The following FOCAD variants were observed in gnomAD, a reference collection of about 807,000 sequenced individuals.
FOCAD encodes the protein KIAA1797.
In FOCAD, 198 loss-of-function variants were observed where a neutral mutation model predicts 225.6. The observed-to-expected ratio is 0.88, with a 90% CI of 0.78 to 0.99. The LOEUF is 0.99. Among genes scored for constraint, FOCAD ranks in the 50% least tolerant of loss-of-function variants. The pLI, the probability that FOCAD is intolerant of heterozygous loss-of-function variation, is 0.00. For synonymous variants in FOCAD, 897 were observed against 755.0 expected (o/e 1.19, Z -3.08); for missense variants, 2,713 against 2,123.6 (o/e 1.28, Z -5.46).
intron 41 of FOCAD, among the ~76,000 whole-genome samples, chr9:20,988,867 C>T (rs78903574): frequency 0.013 from 2,025 of 152,174 alleles, 40 homozygotes; most frequent in African/African-American, 0.046. Context: ...AAAATGCCTG[C>T]TTTGAAGAGG....
intron 5 of FOCAD, among the ~76,000 whole-genome samples, chr9:20,750,841 T>A (rs1277822339): frequency 6.6e-6 from 1 of 152,170 alleles, no homozygotes; most frequent in East Asian, 1.9e-4. Context: ...AAGCTTGGCA[T>A]AGAATTATTA....
intron 7 of FOCAD, among the ~76,000 whole-genome samples, chr9:20,766,640 C>A (rs894707531): frequency 1.3e-5 from 2 of 151,878 alleles, no homozygotes; most frequent in Non-Finnish European, 2.9e-5. Context: ...GTTTTTCCTT[C>A]CTTCCTTTCC....
intron 37 of FOCAD, 82 bp downstream of exon 37, chr9:20,978,536 T>C: frequency 2.1e-6 from 2 of 961,942 alleles, no homozygotes; most frequent in Non-Finnish European, 3.0e-6. Context: ...GTGTGTGTTC[T>C]CAAAGTCAAG....
rs1837644649 is a variant in FOCAD, at chr9:20,951,074, T to A, written c.4027T>A (p.Ser1343Thr). 2 of 1,613,432 alleles carry A rather than the reference T, an allele frequency of 1.2e-6. No homozygotes were observed. Among genetic ancestry groups the A allele is most frequent in the African/African-American group, 1.3e-5 (1 of 74,994 alleles). ...TGGACATCTTCATCTATCTACTCTA[T>A]CCTCAAGTCAAAGTAGAGCCTCTGG... is the stretch of plus-strand genomic sequence containing the variant. ...LLGHLHLSTL[S>T]SSQSRASVPT... The change falls in exon 34 of 44, where the codon TCC becomes ACC. Residue 1343 changes from serine to threonine, a missense_variant. Physicochemically the swap from Ser to Thr is moderately conservative, Grantham distance 58. Transcript: ENST00000338382.
At chr9:20,920,783 A>G (rs1206661714) in intron 24 of FOCAD, among the ~76,000 whole-genome samples, 2 of 151,512 alleles carry the variant, frequency 1.3e-5, no homozygotes, top group African/African-American at 4.9e-5. Context: ...TGGACACAGG[A>G]AAGGGAACAT....
chr9:20,988,780 C>T (rs1292974507), intron 41 of FOCAD, among the ~76,000 whole-genome samples: 4 of 152,084 alleles, frequency 2.6e-5, no homozygotes, highest in Non-Finnish European at 5.9e-5. Flanking sequence ...ACCCAAGCTC[C>T]TGTGTAGCTG....
chr9:20,694,708 A>T (rs1216046448), intron 1 of FOCAD: 2 of 152,226 alleles, frequency 1.3e-5, no homozygotes, highest in Non-Finnish European at 2.9e-5. Flanking sequence ...TTTCAACAAC[A>T]TCAACATTTT....
At chr9:20,716,844 A>G (rs1216906519) in intron 2 of FOCAD, among the ~76,000 whole-genome samples, 2 of 152,192 alleles carry the variant, frequency 1.3e-5, no homozygotes, top group African/African-American at 2.4e-5. Context: ...CACGAGTCTA[A>G]AAGAACTCTT....
At chr9:20,762,079 T>C (rs1323522768) in intron 6 of FOCAD, among the ~76,000 whole-genome samples, 1 of 152,214 alleles carries the variant, frequency 6.6e-6, no homozygotes, top group East Asian at 1.9e-4. Flanking sequence ...TATTTCTTTA[T>C]ATGAACCTTA....
intron 18 of FOCAD, among the ~76,000 whole-genome samples, chr9:20,868,977 G>T (rs1829530979): frequency 6.6e-6 from 1 of 152,120 alleles, no homozygotes; most frequent in African/African-American, 2.4e-5. Flanking sequence ...AAGACTAAAA[G>T]TCCAGAAAGT....
intron 7 of FOCAD, among the ~76,000 whole-genome samples, chr9:20,768,837 A>T (rs1817873296): frequency 6.6e-6 from 1 of 151,602 alleles, no homozygotes; most frequent in South Asian, 2.1e-4. Flanking sequence ...CATATTACCT[A>T]TTATATTATT....
chr9:20,950,966 A>T, intron 33 of FOCAD, 30 bp from the exon 34 acceptor site: 1 of 1,568,894 alleles, frequency 6.4e-7, no homozygotes, highest in Non-Finnish European at 8.8e-7. Context: ...ATCTTATCCC[A>T]TCATTGAACT....
At chr9:20,915,800 G>A (rs1564146608) in intron 23 of FOCAD, among the ~76,000 whole-genome samples, 1 of 151,970 alleles carries the variant, frequency 6.6e-6, no homozygotes. Flanking sequence ...AGAGGAGGGA[G>A]TAGAGAGGTA....
intron 20 of FOCAD, 22 bp downstream of exon 20, chr9:20,882,078 A>G (rs1331668400): frequency 6.3e-7 from 1 of 1,583,558 alleles, no homozygotes; most frequent in South Asian, 1.1e-5. Context: ...ACATAGTATC[A>G]AAAATACAGG....
intron 15 of FOCAD, among the ~76,000 whole-genome samples, chr9:20,851,030 C>A (rs1827594911): frequency 6.6e-6 from 1 of 151,168 alleles, no homozygotes; most frequent in Non-Finnish European, 1.5e-5. Flanking sequence ...ATTTCTTGAA[C>A]TGAACAATAA....
intron 7 of FOCAD, among the ~76,000 whole-genome samples, chr9:20,767,687 G>T: frequency 7.1e-6 from 1 of 141,360 alleles, no homozygotes. Flanking sequence ...TTTTTTTCTT[G>T]TGAATTTGTT....
chr9:20,745,293 T>C (rs1389249779), intron 5 of FOCAD, among the ~76,000 whole-genome samples: 1 of 151,816 alleles, frequency 6.6e-6, no homozygotes, highest in East Asian at 1.9e-4. Context: ...AGAGGCAGGG[T>C]TGTCCAGGCT....
intron 28 of FOCAD, among the ~76,000 whole-genome samples, chr9:20,940,031 A>T (rs978447287): frequency 2.0e-4 from 30 of 151,708 alleles, no homozygotes; most frequent in African/African-American, 7.0e-4. Context: ...ATTCCCACCT[A>T]TGACTGAGAA....
intron 15 of FOCAD, among the ~76,000 whole-genome samples, chr9:20,844,433 T>C (rs1471087481): frequency 1.5e-5 from 2 of 132,976 alleles, no homozygotes; most frequent in Non-Finnish European, 3.1e-5. Context: ...TGATCTCGGC[T>C]CACTGCAACC....
Sources: allele counts gnomAD v4.1 joint callset (sites outside exome capture counted in the v4.1 genomes callset), GRCh38; gene constraint gnomAD v4.1.1; transcripts MANE v1.5; gene names NCBI Gene and HGNC (gene_info 2026-07-23, HGNC 2026-07-21).